Variants in TCF7L1 observed in about 807,000 individuals in gnomAD.
TCF7L1 encodes the protein transcription factor 7 like 1, also known as transcription factor 7-like 1.
A neutral mutation model predicts 63.7 loss-of-function variants in TCF7L1; 18 were observed. The observed-to-expected ratio is 0.28, with a 90% CI of 0.20 to 0.42. TCF7L1 has a LOEUF of 0.42. TCF7L1 is among the 10% of genes least tolerant of loss of function. The pLI, the probability that TCF7L1 is intolerant of heterozygous loss-of-function variation, is 1.00. For missense variants in TCF7L1, 654 were observed against 779.3 expected (o/e 0.84, Z 1.91); for synonymous variants, 355 against 340.9 (o/e 1.04, Z -0.46).
intron 3 of TCF7L1, among the ~76,000 whole-genome samples, chr2:85,157,406 TGG>T (rs1678174481): frequency 2.6e-5 from 4 of 152,234 alleles, no homozygotes; most frequent in African/African-American, 9.6e-5. Flanking sequence ...AAGTAGGAAC[TGG>T]TTATTCATCC....
chr2:85,156,469 C>T (rs1189808041), intron 3 of TCF7L1, among the ~76,000 whole-genome samples: 1 of 152,202 alleles, frequency 6.6e-6, no homozygotes, highest in African/African-American at 2.4e-5. Flanking sequence ...GGCCAAGTTC[C>T]CAGTACATTC....
intron 3 of TCF7L1, among the ~76,000 whole-genome samples, chr2:85,242,029 G>GA (rs376717706): frequency 2.2e-5 from 3 of 136,202 alleles, no homozygotes; most frequent in African/African-American, 7.9e-5. Context: ...GGTGCGGGGG[G>GA]GCAAGAATAG....
At chr2:85,265,888 ACACC>A (rs1018582844) in intron 3 of TCF7L1, among the ~76,000 whole-genome samples, 2 of 152,284 alleles carry the variant, frequency 1.3e-5, no homozygotes, top group African/African-American at 4.8e-5. Context: ...TAAAATAAAA[ACACC>A]CATAATCTTG....
intron 3 of TCF7L1, chr2:85,262,204 G>C (rs1382840798): frequency 3.6e-6 from 2 of 549,786 alleles, no homozygotes; most frequent in Non-Finnish European, 7.4e-6. Flanking sequence ...ATATTCACTT[G>C]CTCATAGAGC....
chr2:85,157,040 C>T (rs1678166097), intron 3 of TCF7L1, among the ~76,000 whole-genome samples: 2 of 152,106 alleles, frequency 1.3e-5, no homozygotes, highest in Admixed American at 6.5e-5. Flanking sequence ...ATGTCCATAG[C>T]CGAGGCTGAG....
At chr2:85,181,409 G>T (rs1019619661) in intron 3 of TCF7L1, among the ~76,000 whole-genome samples, 1 of 152,220 alleles carries the variant, frequency 6.6e-6, no homozygotes, top group Non-Finnish European at 1.5e-5. Context: ...AGAGGTACGG[G>T]TGTGCCTCCC....
chr2:85,263,153 G>T (rs1210756102), intron 3 of TCF7L1, among the ~76,000 whole-genome samples: 2 of 152,216 alleles, frequency 1.3e-5, no homozygotes, highest in Admixed American at 1.3e-4. Flanking sequence ...AGACTTGGGG[G>T]CATAAATAGT....
chr2:85,207,320 C>T (rs1417846620), intron 3 of TCF7L1, among the ~76,000 whole-genome samples: 1 of 152,184 alleles, frequency 6.6e-6, no homozygotes, highest in African/African-American at 2.4e-5. Context: ...CTTTGTCCCT[C>T]AGTCACAACC....
intron 3 of TCF7L1, among the ~76,000 whole-genome samples, chr2:85,165,292 G>T (rs551365915): frequency 6.6e-6 from 1 of 152,224 alleles, no homozygotes; most frequent in Non-Finnish European, 1.5e-5. Flanking sequence ...ACACATGTGC[G>T]CCTGTGTAGA....
chr2:85,149,964 C>T (rs765480668), intron 3 of TCF7L1, among the ~76,000 whole-genome samples: 1 of 152,144 alleles, frequency 6.6e-6, no homozygotes, highest in Non-Finnish European at 1.5e-5. Context: ...GGACAAGATA[C>T]GTTCTAAAAA....
intron 3 of TCF7L1, among the ~76,000 whole-genome samples, chr2:85,161,123 C>T (rs1048153403): frequency 9.2e-5 from 14 of 152,010 alleles, no homozygotes; most frequent in African/African-American, 1.2e-4. Flanking sequence ...CTGCCCATGT[C>T]GCCCTGATTA....
chr2:85,301,742 G>A (rs138952567), intron 4 of TCF7L1, among the ~76,000 whole-genome samples: 7 of 152,300 alleles, frequency 4.6e-5, no homozygotes, highest in Non-Finnish European at 1.0e-4. Flanking sequence ...GAGGTCTAAT[G>A]GGGGCAACTC....
At chr2:85,209,077 G>A (rs1389219117) in intron 3 of TCF7L1, among the ~76,000 whole-genome samples, 1 of 152,224 alleles carries the variant, frequency 6.6e-6, no homozygotes, top group Non-Finnish European at 1.5e-5. Context: ...CTCCGAGTGG[G>A]ACAGACGAAT....
chr2:85,144,157 G>T (rs1206535484), intron 3 of TCF7L1, among the ~76,000 whole-genome samples: 2 of 152,106 alleles, frequency 1.3e-5, no homozygotes, highest in Non-Finnish European at 2.9e-5. Context: ...AAATGTACAA[G>T]TATTATTTCC....
intron 3 of TCF7L1, among the ~76,000 whole-genome samples, chr2:85,270,302 CA>C (rs1171561708): frequency 6.6e-6 from 1 of 152,226 alleles, no homozygotes; most frequent in Non-Finnish European, 1.5e-5. Flanking sequence ...TGCTTTTGGT[CA>C]ATGGACTTTC....
At chr2:85,298,114 C>A (rs1483808494) in intron 4 of TCF7L1, among the ~76,000 whole-genome samples, 2 of 133,678 alleles carry the variant, frequency 1.5e-5, no homozygotes, top group Admixed American at 8.4e-5. Context: ...TGTGCCACCA[C>A]GCCTGGCTAA....
At chr2:85,154,823 C>CT (rs150277957) in intron 3 of TCF7L1, among the ~76,000 whole-genome samples, 10,050 of 146,536 alleles carry the variant, frequency 0.069, 450 homozygotes, top group Middle Eastern at 0.13. Flanking sequence ...ACCCATAGAA[C>CT]TTTTTTTTTT....
chr2:85,192,269 A>G (rs1388861584), intron 3 of TCF7L1, among the ~76,000 whole-genome samples: 1 of 152,208 alleles, frequency 6.6e-6, no homozygotes, highest in East Asian at 1.9e-4. Context: ...GCTTGAGCAA[A>G]TCAGTCAGCT....
At chr2:85,287,004 C>G (rs1681576658) in intron 4 of TCF7L1, among the ~76,000 whole-genome samples, 2 of 152,158 alleles carry the variant, frequency 1.3e-5, no homozygotes, top group Admixed American at 6.5e-5. Context: ...CAGAGCAATC[C>G]TCTGAGAAAT....
Sources: gnomAD v4.1 joint callset for allele counts (sites outside exome capture counted in the v4.1 genomes callset) on GRCh38, gnomAD v4.1.1 for gene constraint, MANE v1.5 for transcripts, NCBI Gene and HGNC (gene_info 2026-07-23, HGNC 2026-07-21) for gene names.